SNX13: variants seen among roughly 807,000 people sequenced by gnomAD.
The protein encoded by SNX13 is sorting nexin-13.
A neutral mutation model predicts 133.6 loss-of-function variants in SNX13; 45 were observed. The ratio of observed to expected loss-of-function variants is 0.34; its 90% CI spans 0.27 to 0.43. The LOEUF (loss-of-function observed/expected upper bound fraction) is 0.43. SNX13 is among the 20% of genes least tolerant of loss of function. The pLI, the probability that SNX13 is intolerant of heterozygous loss-of-function variation, is 1.00. For missense variants in SNX13, 1,032 were observed against 1,145.1 expected (o/e 0.90, Z 1.43); for synonymous variants, 414 against 373.9 (o/e 1.11, Z -1.24).
chr7:17,878,810 T>G (rs146695806), intron 5 of SNX13, among the ~76,000 whole-genome samples: 2 of 152,272 alleles, frequency 1.3e-5, no homozygotes, highest in African/African-American at 4.8e-5. Context: ...CCCTTCCTCT[T>G]TGTTATGCAG....
intron 5 of SNX13, among the ~76,000 whole-genome samples, chr7:17,876,790 CAATA>C (rs1794775345): frequency 6.6e-6 from 1 of 151,880 alleles, no homozygotes; most frequent in Non-Finnish European, 1.5e-5. Context: ...GTAAAAAACA[CAATA>C]GATAACTCAA....
Position 17,826,102 on chromosome 7 carries a change from A to G in SNX13, c.1636-11T>C. ...AAGGTCATCTAAAGACTGAGAAAAA[A>G]AAATCAGGAAACAAATTTTTAAAAT... On this transcript the variant is annotated splice_polypyrimidine_tract_variant and intron_variant, in intron 16 of 25. Transcript: ENST00000428135. The G allele has an allele frequency of 6.6e-7, 1 of 1,524,630 alleles. No individual in the cohort carries two copies. Among genetic ancestry groups the G allele is most frequent in the South Asian group, 1.3e-5 (1 of 78,366 alleles). The allele number at this position is 1,524,630 out of a possible 1,614,324, so 94.4% of individuals were successfully genotyped here. A position where few individuals can be genotyped will look rare whatever the true frequency, so the allele number is the denominator to read the frequency against.
chr7:17,832,758 G>A lies in SNX13; in HGVS notation c.1597+1294C>T, dbSNP rs1009687820. On this transcript the variant is annotated intron_variant, in intron 15 of 25. Transcript: ENST00000428135. ...AATCAGTTAATACATTATTCCAATT[G>A]TACACATAAGTAAACTTATAGAGTA... 2.0e-5 allele frequency among the ~76,000 whole-genome samples: 3 copies of A among 151,304 alleles called. No individual in the cohort carries two copies. In the East Asian group the frequency reaches 5.8e-4, roughly 29 times the overall value.
chr7:17,917,386 CAT>C (rs1274608423), intron 1 of SNX13, among the ~76,000 whole-genome samples: 1 of 152,048 alleles, frequency 6.6e-6, no homozygotes, highest in African/African-American at 2.4e-5. Context: ...CTTTGCTGAC[CAT>C]ATGATTCTAT....
At chr7:17,797,685 A>G (rs1300327859) in intron 24 of SNX13, among the ~76,000 whole-genome samples, 1 of 151,782 alleles carries the variant, frequency 6.6e-6, no homozygotes, top group East Asian at 1.9e-4. Context: ...TCTAGGCATT[A>G]GTAATTTTTA....
intron 15 of SNX13, chr7:17,832,579 G>C (rs968444802): frequency 1.5e-6 from 1 of 683,148 alleles, no homozygotes; most frequent in East Asian, 1.4e-4. Context: ...TGACAGAGCT[G>C]CTATTGCAAA....
chr7:17,879,336 C>G (rs1370108211), intron 5 of SNX13: 2 of 152,352 alleles, frequency 1.3e-5, no homozygotes, highest in African/African-American at 4.8e-5. Context: ...TTCTGAGTAG[C>G]TGGGAGTACA....
Position 17,826,104 on chromosome 7 carries a change from A to T in SNX13, c.1636-13T>A, listed in dbSNP as rs1185234861. On this transcript the variant is annotated splice_polypyrimidine_tract_variant and intron_variant, in intron 16 of 25. Transcript: ENST00000428135. Reference sequence around the variant, plus strand: ...GGTCATCTAAAGACTGAGAAAAAAAAATCAGGAAACAAATTTTTAAAATTT... The same window carrying T: ...GGTCATCTAAAGACTGAGAAAAAAATATCAGGAAACAAATTTTTAAAATTT... The T allele has an allele frequency of 1.3e-6, 2 of 1,525,086 alleles. No homozygotes were observed. The highest frequency in any genetic ancestry group is 8.8e-7 in the Non-Finnish European group (1 of 1,135,928). 94.5% of individuals were successfully genotyped at this position (1,525,086 alleles called of 1,614,324 possible).
chr7:17,835,378 G>T (rs1437715754), intron 13 of SNX13, among the ~76,000 whole-genome samples: 2 of 151,902 alleles, frequency 1.3e-5, no homozygotes, highest in Non-Finnish European at 2.9e-5. Flanking sequence ...AGAGATTACT[G>T]TTATCCTAAA....
intron 1 of SNX13, among the ~76,000 whole-genome samples, chr7:17,925,277 G>T (rs1583809573): frequency 6.6e-6 from 1 of 152,194 alleles, no homozygotes; most frequent in Non-Finnish European, 1.5e-5. Flanking sequence ...GGAGAAAGAA[G>T]TGTGGAGTAA....
intron 9 of SNX13, among the ~76,000 whole-genome samples, chr7:17,851,764 T>G (rs1791242862): frequency 6.6e-6 from 1 of 151,988 alleles, no homozygotes; most frequent in Non-Finnish European, 1.5e-5. Context: ...TGAGGGTGTT[T>G]TTGGCAAAAT....
At chr7:17,797,583 C>A (rs1376944118) in intron 24 of SNX13, among the ~76,000 whole-genome samples, 1 of 151,812 alleles carries the variant, frequency 6.6e-6, no homozygotes. Context: ...CTGTTCTTAA[C>A]TTTACACATT....
chr7:17,862,461 TTAC>T (rs1189934595), intron 9 of SNX13, among the ~76,000 whole-genome samples: 1 of 152,092 alleles, frequency 6.6e-6, no homozygotes, highest in African/African-American at 2.4e-5. Flanking sequence ...AAAAGAAAAA[TTAC>T]TACCTTTCTA....
chr7:17,808,375 T>C (rs1343866491), intron 20 of SNX13, among the ~76,000 whole-genome samples: 1 of 152,002 alleles, frequency 6.6e-6, no homozygotes, highest in African/African-American at 2.4e-5. Flanking sequence ...ATCAACTTAA[T>C]GAAATAAAGT....
intron 20 of SNX13, among the ~76,000 whole-genome samples, chr7:17,808,299 G>A (rs973968423): frequency 2.6e-5 from 4 of 152,170 alleles, no homozygotes; most frequent in African/African-American, 9.7e-5. Flanking sequence ...TGAGAACTTT[G>A]TGAAGCATAC....
chr7:17,856,785 T>TAAAAAAAAAAA (rs200753998), intron 9 of SNX13, among the ~76,000 whole-genome samples: 1 of 97,570 alleles, frequency 1.0e-5, no homozygotes. Flanking sequence ...GAGACTCTCT[T>TAAAAAAAAAAA]AAAAAAAAAA....
Position 17,890,377 on chromosome 7 carries a change from A to C in SNX13, c.426T>G (p.Ile142Met). ...CGTGTCCTTACCTAGTAGCAAACTG[A>C]ATGAGTGCGTTTTGAAGAGTCTGCC... is the stretch of plus-strand genomic sequence containing the variant. The part of the protein sequence containing the change: ...EIRQTLQNAL[I>M]QFATRSKEID... The change falls in exon 5 of 26, where the codon ATT becomes ATG. Residue 142 changes from isoleucine (I) to methionine (M), a missense_variant. Ile to Met is a conservative substitution (Grantham distance 10). Transcript: ENST00000428135. The C allele has an allele frequency of 1.2e-6, 2 of 1,611,338 alleles. No homozygotes were observed. The highest frequency in any genetic ancestry group is 1.7e-6 in the Non-Finnish European group (2 of 1,178,468).
At position 17,891,460 on chromosome 7, in the gene SNX13, G is replaced by C. The variant is rs191239401; in HGVS notation, c.318+86C>G. ...AAGAAATTCCAGGATATTATTTAAA[G>C]AGCAAAAAGTATTTCCTGGTATCTT... On this transcript the variant is annotated intron_variant, in intron 4 of 25. Transcript: ENST00000428135. The C allele has an allele frequency of 1.7e-4, 154 of 911,902 alleles. No individual in the cohort carries two copies. The African/African-American group carries it at 2.4e-3, about 14-fold the overall frequency. The allele number at this position is 911,902 out of a possible 1,614,324, so 56.5% of individuals were successfully genotyped here. A position where few individuals can be genotyped will look rare whatever the true frequency, so the allele number is the denominator to read the frequency against.
chr7:17,913,754 C>CAA (rs1158895502), intron 1 of SNX13, among the ~76,000 whole-genome samples: 1 of 87,274 alleles, frequency 1.1e-5, no homozygotes, highest in African/African-American at 4.0e-5. Context: ...AGCAAATTAA[C>CAA]AAAAACAAAA....
Sources: allele counts gnomAD v4.1 joint callset (sites outside exome capture counted in the v4.1 genomes callset), GRCh38; gene constraint gnomAD v4.1.1; transcripts MANE v1.5; gene names NCBI Gene and HGNC (gene_info 2026-07-23, HGNC 2026-07-21).